The following TTC29 variants were observed in gnomAD, a reference collection of about 807,000 sequenced individuals.
TTC29 encodes tetratricopeptide repeat protein 29.
A neutral mutation model predicts 58.1 loss-of-function variants in TTC29; 49 were observed. That is an observed-to-expected ratio of 0.84 (90% confidence interval 0.67 to 1.07). TTC29 has a LOEUF of 1.07. Ranked by LOEUF, TTC29 falls within the 50% of genes least tolerant of loss-of-function variation. The pLI is 0.00. For missense variants in TTC29, 582 were observed against 555.6 expected (o/e 1.05, Z -0.48); for synonymous variants, 209 against 196.8 (o/e 1.06, Z -0.52).
At chr4:146,839,670 C>G (rs1728730936) in intron 8 of TTC29, among the ~76,000 whole-genome samples, 1 of 151,698 alleles carries the variant, frequency 6.6e-6, no homozygotes, top group Admixed American at 6.6e-5. Flanking sequence ...CCTCATGATA[C>G]TCTTTCCTAG....
At chr4:146,713,252 A>C (rs1206803072) in intron 11 of TTC29, among the ~76,000 whole-genome samples, 1 of 150,022 alleles carries the variant, frequency 6.7e-6, no homozygotes, top group African/African-American at 2.5e-5. Flanking sequence ...AACATATTTA[A>C]TGTTGGCATA....
intron 11 of TTC29, among the ~76,000 whole-genome samples, chr4:146,771,897 C>A (rs780985559): frequency 3.9e-5 from 6 of 152,174 alleles, no homozygotes; most frequent in African/African-American, 7.2e-5. Context: ...CTTTTCTCCA[C>A]AACCTTACCA....
chr4:146,859,341 G>A (rs898610032), intron 8 of TTC29, among the ~76,000 whole-genome samples: 2 of 151,522 alleles, frequency 1.3e-5, no homozygotes, highest in African/African-American at 4.8e-5. Context: ...CCTTTGCCTT[G>A]GTTTCTTTGT....
chr4:146,855,054 T>C (rs1312638869), intron 8 of TTC29, among the ~76,000 whole-genome samples: 13 of 152,104 alleles, frequency 8.5e-5, no homozygotes, highest in African/African-American at 3.1e-4. Context: ...AGCAGCACTT[T>C]GGAAGGTTGA....
intron 9 of TTC29, among the ~76,000 whole-genome samples, chr4:146,821,417 T>C (rs1751813375): frequency 6.6e-6 from 1 of 152,176 alleles, no homozygotes; most frequent in Non-Finnish European, 1.5e-5. Context: ...ATAAGAATTA[T>C]GTCTCACTAA....
Position 146,909,138 on chromosome 4 carries a change from C to T in TTC29, c.288G>A (p.Glu96=), listed in dbSNP as rs1384888121. The T allele has an allele frequency of 2.5e-6, 4 of 1,613,760 alleles. No homozygotes were observed. The highest frequency in any genetic ancestry group is 3.4e-6 in the Non-Finnish European group (4 of 1,179,838). Reference sequence around the variant, plus strand: ...AGAAGAGGGACCTGACTCTCGCAGCCTCCCTCAGGGCATCCCACCGCTCCA... The same window carrying T: ...AGAAGAGGGACCTGACTCTCGCAGCTTCCCTCAGGGCATCCCACCGCTCCA... ...ALMERWDALR[E]AARVRSLFWL... Residue 96 remains glutamate, a synonymous_variant, in exon 5 of 13, where the codon GAG becomes GAA. Coordinates refer to ENST00000325106, the MANE Select transcript of TTC29 (RefSeq NM_031956.4).
At chr4:146,917,195 A>AT (rs1293948489) in intron 4 of TTC29, among the ~76,000 whole-genome samples, 132 of 150,776 alleles carry the variant, frequency 8.8e-4, no homozygotes, top group Non-Finnish European at 3.0e-5. Context: ...GATCAGAAGA[A>AT]TTTTTCATTA....
chr4:146,799,554 A>C (rs996636467), intron 11 of TTC29, among the ~76,000 whole-genome samples: 7 of 152,184 alleles, frequency 4.6e-5, no homozygotes, highest in Admixed American at 3.9e-4. Flanking sequence ...GATGCATAAA[A>C]CTACGATGAT....
chr4:146,908,814 G>A (rs897866518), intron 5 of TTC29, among the ~76,000 whole-genome samples: 8 of 152,192 alleles, frequency 5.3e-5, no homozygotes, highest in East Asian at 1.9e-4. Flanking sequence ...TCCCTGGCTC[G>A]GAAGGACATC....
chr4:146,821,997 T>G (rs1751871969), intron 9 of TTC29, among the ~76,000 whole-genome samples: 1 of 151,344 alleles, frequency 6.6e-6, no homozygotes, highest in Non-Finnish European at 1.5e-5. Context: ...TTTTTTTTTT[T>G]TTTTTTTTTC....
At chr4:146,902,849 A>G (rs1409656857) in intron 6 of TTC29, among the ~76,000 whole-genome samples, 1 of 152,232 alleles carries the variant, frequency 6.6e-6, no homozygotes, top group South Asian at 2.1e-4. Context: ...AAAATTTAGC[A>G]GTTTCACCAA....
chr4:146,722,045 C>G (rs1235327461), intron 11 of TTC29, among the ~76,000 whole-genome samples: 1 of 102,700 alleles, frequency 9.7e-6, no homozygotes, highest in Non-Finnish European at 1.9e-5. Context: ...AAATCAAGAA[C>G]AGAGTCCCAT....
chr4:146,866,770 A>G (rs1287195411), intron 8 of TTC29, among the ~76,000 whole-genome samples: 1 of 152,180 alleles, frequency 6.6e-6, no homozygotes, highest in Non-Finnish European at 1.5e-5. Flanking sequence ...ATCTAAAGGA[A>G]CAAAGAAGAT....
chr4:146,730,539 A>G (rs1460583058), intron 11 of TTC29, among the ~76,000 whole-genome samples: 1 of 152,192 alleles, frequency 6.6e-6, no homozygotes, highest in Non-Finnish European at 1.5e-5. Context: ...AGATTGAGCC[A>G]TGGGTCACTT....
At chr4:146,821,985 G>GTTTTTTTTTTTTTTTTTTTT (rs34100285) in intron 9 of TTC29, among the ~76,000 whole-genome samples, 2 of 109,598 alleles carry the variant, frequency 1.8e-5, no homozygotes. Flanking sequence ...CATGTCTAGT[G>GTTTTTTTTTTTTTTTTTTTT]TTTTTTTTTT....
chr4:146,815,775 A>G (rs1043940760), intron 10 of TTC29, among the ~76,000 whole-genome samples: 2 of 152,196 alleles, frequency 1.3e-5, no homozygotes, highest in Non-Finnish European at 2.9e-5. Context: ...GTGGTGGGGT[A>G]TGCATTTGGA....
In TTC29 at chr4:146,833,534, G is replaced by A. The variant is rs117945744; in HGVS notation, c.977+272C>T. On this transcript the variant is annotated intron_variant, in intron 9 of 12. Transcript: ENST00000325106. Reference sequence around the variant, plus strand: ...TTTCTTAACTTGTGAGATGTGACCCGATTTTTTTCTCTTTTATTCAAGGTC... The same window carrying A: ...TTTCTTAACTTGTGAGATGTGACCCAATTTTTTTCTCTTTTATTCAAGGTC... Among the ~76,000 whole-genome samples the A allele has an allele frequency of 1.3e-4, 20 of 152,220 alleles. No homozygotes were observed. The East Asian group carries it at 3.9e-3, about 29-fold the overall frequency.
chr4:146,738,747 C>T (rs775737437), intron 11 of TTC29, among the ~76,000 whole-genome samples: 2 of 152,076 alleles, frequency 1.3e-5, no homozygotes, highest in Non-Finnish European at 2.9e-5. Context: ...TTTGTGATTG[C>T]GCATCTTAAG....
chr4:146,869,891 G>A (rs951703594), intron 7 of TTC29, among the ~76,000 whole-genome samples: 3 of 151,942 alleles, frequency 2.0e-5, no homozygotes, highest in Non-Finnish European at 2.9e-5. Context: ...GTAAGAATAG[G>A]ATTAAAAACA....
Sources: gnomAD v4.1 joint callset for allele counts (sites outside exome capture counted in the v4.1 genomes callset) on GRCh38, gnomAD v4.1.1 for gene constraint, MANE v1.5 for transcripts, NCBI Gene and HGNC (gene_info 2026-07-23, HGNC 2026-07-21) for gene names.